Variants in QSOX2 observed in about 807,000 individuals in gnomAD.
The protein encoded by QSOX2 is quiescin sulfhydryl oxidase 2, also known as sulfhydryl oxidase 2.
Under a neutral mutation model 61.7 loss-of-function variants are expected in QSOX2, and 46 were observed. The observed-to-expected ratio is 0.75, with a 90% CI of 0.59 to 0.95. The LOEUF (loss-of-function observed/expected upper bound fraction) is 0.95. Ranked by LOEUF, QSOX2 falls within the 40% of genes least tolerant of loss-of-function variation. The pLI is 0.00. For synonymous variants in QSOX2, 383 were observed against 388.4 expected, an observed-to-expected ratio of 0.99 and a Z score of 0.16; for missense variants, 879 against 918.9, an observed-to-expected ratio of 0.96 and a Z score of 0.56.
At chr9:136,235,611 C>G (rs1437480373) in intron 1 of QSOX2, among the ~76,000 whole-genome samples, 1 of 152,246 alleles carries the variant, frequency 6.6e-6, no homozygotes, top group African/African-American at 2.4e-5. Context: ...TCATAACCAC[C>G]ACGACGTCTG....
intron 1 of QSOX2, among the ~76,000 whole-genome samples, chr9:136,235,511 C>T (rs543246903): frequency 4.7e-4 from 72 of 152,340 alleles, no homozygotes; most frequent in African/African-American, 1.7e-3. Flanking sequence ...GAGCTGGGCT[C>T]GGGCCGGTTC....
At chr9:136,242,077 G>A (rs996530690) in intron 1 of QSOX2, among the ~76,000 whole-genome samples, 3 of 152,224 alleles carry the variant, frequency 2.0e-5, no homozygotes, top group Non-Finnish European at 4.4e-5. Context: ...ACCCAACAAG[G>A]TTTTGTTCTG....
intron 1 of QSOX2, among the ~76,000 whole-genome samples, chr9:136,243,757 C>G (rs1478136188): frequency 3.3e-5 from 5 of 152,236 alleles, no homozygotes; most frequent in Non-Finnish European, 7.3e-5. Context: ...GAAGCCCTCT[C>G]CCTGCTGCCT....
chr9:136,228,222 T>C (rs533150425), intron 1 of QSOX2, among the ~76,000 whole-genome samples: 2 of 152,226 alleles, frequency 1.3e-5, no homozygotes, highest in East Asian at 3.9e-4. Context: ...CCTAAATGCA[T>C]TAATGCACCA....
Position 136,222,061 on chromosome 9 carries a change from T to G in QSOX2, c.676-120A>C. 9.8e-7 allele frequency: 1 copy of G among 1,016,354 alleles called. No individual in the cohort carries two copies. Among genetic ancestry groups the G allele is most frequent in the Non-Finnish European group, 1.4e-6 (1 of 732,812 alleles). 63.0% of individuals were successfully genotyped at this position (1,016,354 alleles called of 1,614,324 possible). A position where few individuals can be genotyped will look rare whatever the true frequency, so the allele number is the denominator to read the frequency against. On this transcript the variant is annotated intron_variant, in intron 5 of 11. Coordinates refer to ENST00000358701, the MANE Select transcript of QSOX2 (RefSeq NM_181701.4). The surrounding 1 kb of genome is among the most constrained non-coding windows in gnomAD (Gnocchi z 6.9). ...CAAAAGGGCATGAAGTCTGTCCCCCTGCAGGCAAGACCCTCACTCAAATCT... is the reference window on the plus strand; with the variant it reads ...CAAAAGGGCATGAAGTCTGTCCCCCGGCAGGCAAGACCCTCACTCAAATCT...
At chr9:136,244,904 C>T (rs73670205) in intron 1 of QSOX2, among the ~76,000 whole-genome samples, 234 of 152,258 alleles carry the variant, frequency 1.5e-3, no homozygotes, top group African/African-American at 5.4e-3. Context: ...AGTATTTGGA[C>T]TTCTAAGTTG....
chr9:136,210,534 G>A, intron 11 of QSOX2: 2 of 985,446 alleles, frequency 2.0e-6, no homozygotes, highest in Non-Finnish European at 2.4e-6. Flanking sequence ...CGGAGAGACG[G>A]AGAAGCTGCG....
At chr9:136,232,784 A>C (rs1483575369) in intron 1 of QSOX2, among the ~76,000 whole-genome samples, 1 of 151,918 alleles carries the variant, frequency 6.6e-6, no homozygotes, top group Admixed American at 6.6e-5. Context: ...AAATTTTAAA[A>C]TTAGCCAGGC....
At chr9:136,231,178 G>A (rs565394096) in intron 1 of QSOX2, among the ~76,000 whole-genome samples, 1 of 152,228 alleles carries the variant, frequency 6.6e-6, no homozygotes. Context: ...CAGAGGCCGA[G>A]GAAGGCTCCA....
chr9:136,214,851 C>T lies in QSOX2; in HGVS notation c.1360+303G>A, dbSNP rs1056499449. On this transcript the variant is annotated intron_variant, in intron 10 of 11. Transcript: ENST00000358701. The stretch of plus-strand genomic sequence containing the variant: ...TTTCACTTATTCTGTCTTTTTAAAG[C>T]AAAAAACAGGGAGTTTACACTGCAG... Among the ~76,000 whole-genome samples the T allele has an allele frequency of 2.6e-5, 4 of 152,100 alleles. No individual in the cohort carries two copies. In the South Asian group the frequency reaches 8.3e-4, roughly 31 times the overall value.
chr9:136,216,422 G>A (rs1375039824), intron 9 of QSOX2, among the ~76,000 whole-genome samples, 178 bp downstream of exon 9: 2 of 152,256 alleles, frequency 1.3e-5, no homozygotes, highest in South Asian at 2.1e-4. Context: ...CCAGCATGAC[G>A]CTGCCAAGGC....
intron 11 of QSOX2, chr9:136,211,015 A>G (rs899057192): frequency 1.6e-6 from 1 of 615,880 alleles, no homozygotes; most frequent in Non-Finnish European, 2.0e-6. Flanking sequence ...AGCCACACCC[A>G]TTTCCACGGG....
chr9:136,232,719 A>G (rs1830342060), intron 1 of QSOX2, among the ~76,000 whole-genome samples: 1 of 152,004 alleles, frequency 6.6e-6, no homozygotes, highest in Non-Finnish European at 1.5e-5. Context: ...GGATCACTTG[A>G]GCCCAGGAGT....
Position 136,223,914 on chromosome 9 carries a change from T to A in QSOX2, c.585-61A>T. On this transcript the variant is annotated intron_variant, in intron 4 of 11. Coordinates refer to ENST00000358701, the MANE Select transcript of QSOX2 (RefSeq NM_181701.4). The surrounding 1 kb of genome is among the most constrained non-coding windows in gnomAD (Gnocchi z 4.4). ...CAACAGCAGCGAGTTGGCCACCACA[T>A]CCCAGTGGCCACATCACTTAATAGA... 4 of 1,558,412 alleles carry A rather than the reference T, an allele frequency of 2.6e-6. No individual in the cohort carries two copies. The South Asian group carries it at 3.3e-5, about 13-fold the overall frequency.
At position 136,223,751 on chromosome 9, in the gene QSOX2, C is replaced by G; in HGVS notation, c.675+12G>C. 6.2e-7 allele frequency: 1 copy of G among 1,611,956 alleles called. No homozygotes were observed. Among genetic ancestry groups the G allele is most frequent in the African/African-American group, 1.3e-5 (1 of 74,990 alleles). ...CCACGTGTGACACCTGGAGCCCACG[C>G]AGAGGCCGTACCTCCCGTCCAAGGT... On this transcript the variant is annotated intron_variant, in intron 5 of 11. Coordinates refer to ENST00000358701, the MANE Select transcript of QSOX2 (RefSeq NM_181701.4). The surrounding 1 kb of genome is among the most constrained non-coding windows in gnomAD (Gnocchi z 4.4).
chr9:136,214,904 C>T (rs969046156), intron 10 of QSOX2, among the ~76,000 whole-genome samples: 1 of 152,228 alleles, frequency 6.6e-6, no homozygotes, highest in Non-Finnish European at 1.5e-5. Flanking sequence ...ACTCTTTCTT[C>T]TTTATGGTTT....
intron 1 of QSOX2, among the ~76,000 whole-genome samples, chr9:136,240,380 A>G (rs745441743): frequency 3.9e-5 from 6 of 152,252 alleles, no homozygotes; most frequent in African/African-American, 7.2e-5. Flanking sequence ...TGTATAGTCC[A>G]GTATCAAATC....
At chr9:136,237,403 C>T (rs1192180564) in intron 1 of QSOX2, among the ~76,000 whole-genome samples, 1 of 146,798 alleles carries the variant, frequency 6.8e-6, no homozygotes, top group Non-Finnish European at 1.5e-5. Flanking sequence ...TCACCTGGAG[C>T]CTGTCCTGGG....
Position 136,216,653 on chromosome 9 carries a change from G to C in QSOX2, c.1156C>G (p.Leu386Val). 1 of 1,613,838 alleles carries C rather than the reference G, an allele frequency of 6.2e-7. No homozygotes were observed. The highest frequency in any genetic ancestry group is 1.6e-4 in the Middle Eastern group (1 of 6,062). ...MLQEWLASLP[L>V]DRIPYNAVLD... ...ACGGCGTTGTAGGGGATCCTGTCCA[G>C]GGGAAGGCTGGCCAGCCACTCCTGC... is the stretch of plus-strand genomic sequence containing the variant. The change falls in exon 9 of 12, where the codon CTG becomes GTG. Residue 386 changes from leucine to valine, a missense_variant. Transcript: ENST00000358701.
Sources: allele counts gnomAD v4.1 joint callset (sites outside exome capture counted in the v4.1 genomes callset), GRCh38; gene constraint gnomAD v4.1.1; non-coding constraint Gnocchi (gnomAD v3.1); transcripts MANE v1.5; gene names NCBI Gene and HGNC (gene_info 2026-07-23, HGNC 2026-07-21).